GPHN: variants seen among roughly 807,000 people sequenced by gnomAD.
GPHN encodes the protein gephyrin.
GPHN carries 17 observed loss-of-function variants against 95.5 expected under a neutral mutation model. The observed-to-expected ratio is 0.18, with a 90% CI of 0.12 to 0.27. The LOEUF (loss-of-function observed/expected upper bound fraction) is 0.27, where lower values mean the gene tolerates loss of function less well. Ranked by LOEUF, GPHN falls within the 10% of genes least tolerant of loss-of-function variation. GPHN has a pLI of 1.00. For synonymous variants in GPHN, 320 were observed against 322.5 expected, an observed-to-expected ratio of 0.99 and a Z score of 0.08; for missense variants, 660 against 978.1, an observed-to-expected ratio of 0.67 and a Z score of 4.34.
chr14:67,099,589 A>C (rs1181761903), intron 12 of GPHN, among the ~76,000 whole-genome samples: 1 of 151,862 alleles, frequency 6.6e-6, no homozygotes, highest in African/African-American at 2.4e-5. Context: ...ATTAACTGAG[A>C]TAATATCTGT....
chr14:67,104,318 C>CT (rs1397719718), intron 13 of GPHN, among the ~76,000 whole-genome samples: 1 of 152,070 alleles, frequency 6.6e-6, no homozygotes, highest in Non-Finnish European at 1.5e-5. Flanking sequence ...TATAGTTTTC[C>CT]TTTTTTGTGT....
At chr14:67,188,774 T>TTTCCTTCC in the GPHN span, among the ~76,000 whole-genome samples, 3,019 of 151,044 alleles carry the variant, frequency 0.02, 109 homozygotes, top group African/African-American at 0.065. Context: ...CTCAGTTTCT[T>TTTCCTTCC]TTCCTTCCTT....
At chr14:66,593,692 T>C (rs1046029066) in intron 1 of GPHN, among the ~76,000 whole-genome samples, 2 of 151,978 alleles carry the variant, frequency 1.3e-5, no homozygotes, top group African/African-American at 4.8e-5. Context: ...ATAAAGACAA[T>C]ATACCACAAG....
At chr14:66,935,816 ATAAT>A (rs992084548) in intron 8 of GPHN, among the ~76,000 whole-genome samples, 1 of 152,096 alleles carries the variant, frequency 6.6e-6, no homozygotes, top group Non-Finnish European at 1.5e-5. Context: ...AGATATTAAA[ATAAT>A]TATATTAATT....
chr14:66,841,264 A>G lies in GPHN; in HGVS notation c.294+16698A>G, dbSNP rs180826491. Among the ~76,000 whole-genome samples, 308 of 152,242 alleles carry G rather than the reference A, an allele frequency of 2.0e-3. 2 individuals are homozygous for G. Among genetic ancestry groups the G allele is most frequent in the African/African-American group, 7.2e-3 (299 of 41,538 alleles). ...AGGTAGGAAAGAGGGTTATAATTTT[A>G]AATAGGGTCATCCATTAAGGAAGGC... is the stretch of plus-strand genomic sequence containing the variant. On this transcript the variant is annotated intron_variant, in intron 4 of 22. Coordinates refer to ENST00000478722, the MANE Select transcript of GPHN (RefSeq NM_020806.5).
At chr14:67,195,048 G>C in the GPHN span, among the ~76,000 whole-genome samples, 15 of 152,190 alleles carry the variant, frequency 9.9e-5, no homozygotes, top group Non-Finnish European at 2.2e-4. Flanking sequence ...GGTGGGGTGA[G>C]GGGTGTAGTG....
chr14:66,835,091 C>T (rs954860408), intron 4 of GPHN, among the ~76,000 whole-genome samples: 28 of 151,640 alleles, frequency 1.8e-4, no homozygotes, highest in African/African-American at 5.3e-4. Flanking sequence ...TCTGTGGGAT[C>T]GGTAGTGATA....
chr14:67,519,166 A>G, the GPHN span, among the ~76,000 whole-genome samples: 1 of 152,200 alleles, frequency 6.6e-6, no homozygotes, highest in African/African-American at 2.4e-5. Context: ...AATAGGAAGG[A>G]AAGGGGCATA....
the GPHN span, among the ~76,000 whole-genome samples, chr14:67,374,955 C>T: frequency 2.0e-5 from 3 of 152,194 alleles, 1 homozygote; most frequent in South Asian, 6.2e-4. Flanking sequence ...GTAACGGAGA[C>T]AACCAGCTGT....
chr14:66,688,387 G>A (rs992387165), intron 2 of GPHN, among the ~76,000 whole-genome samples: 1 of 152,182 alleles, frequency 6.6e-6, no homozygotes, highest in Non-Finnish European at 1.5e-5. Flanking sequence ...CTGCATGCAT[G>A]TAAGTAGACC....
At chr14:66,990,028 G>T (rs1160225763) in intron 9 of GPHN, among the ~76,000 whole-genome samples, 1 of 152,088 alleles carries the variant, frequency 6.6e-6, no homozygotes, top group Non-Finnish European at 1.5e-5. Context: ...AAGAAAAAAG[G>T]TCCAATTGAC....
intron 3 of GPHN, among the ~76,000 whole-genome samples, chr14:66,800,158 G>A (rs570814332): frequency 1.1e-4 from 17 of 151,834 alleles, no homozygotes; most frequent in East Asian, 7.7e-4. Context: ...CTTAATGTAC[G>A]GACTATGTCT....
At chr14:67,496,954 C>T in the GPHN span, among the ~76,000 whole-genome samples, 1 of 151,996 alleles carries the variant, frequency 6.6e-6, no homozygotes. Flanking sequence ...CCCGCCACCA[C>T]ACCTGGCTAA....
chr14:67,465,570 G>A, the GPHN span, among the ~76,000 whole-genome samples: 3 of 152,166 alleles, frequency 2.0e-5, no homozygotes, highest in Non-Finnish European at 2.9e-5. Context: ...AAATCCTTGC[G>A]TTCCCTCCCA....
At chr14:66,796,571 T>C (rs1462673712) in intron 3 of GPHN, among the ~76,000 whole-genome samples, 1 of 152,136 alleles carries the variant, frequency 6.6e-6, no homozygotes, top group Non-Finnish European at 1.5e-5. Context: ...GATCATATTA[T>C]AGTTTTGATT....
At chr14:67,350,913 A>G in the GPHN span, among the ~76,000 whole-genome samples, 1 of 152,248 alleles carries the variant, frequency 6.6e-6, no homozygotes, top group African/African-American at 2.4e-5. Context: ...GAATAAATGC[A>G]TTGAGAAACA....
chr14:67,650,993 C>T, the GPHN span: 2 of 1,431,974 alleles, frequency 1.4e-6, no homozygotes, highest in East Asian at 2.3e-5. Context: ...TAGATGAATA[C>T]TAAATGGTTG....
At chr14:67,595,091 C>T in the GPHN span, among the ~76,000 whole-genome samples, 2 of 151,972 alleles carry the variant, frequency 1.3e-5, no homozygotes, top group Non-Finnish European at 2.9e-5. Flanking sequence ...GAGCCGAGAT[C>T]GCGCCACTGC....
chr14:66,949,092 G>A (rs904317975), intron 8 of GPHN, among the ~76,000 whole-genome samples: 1 of 151,948 alleles, frequency 6.6e-6, no homozygotes, highest in Non-Finnish European at 1.5e-5. Context: ...TCTTGTTTTT[G>A]TTTTTCTTTC....
Sources: allele counts gnomAD v4.1 joint callset (sites outside exome capture counted in the v4.1 genomes callset), GRCh38; gene constraint gnomAD v4.1.1; transcripts MANE v1.5; gene names NCBI Gene and HGNC (gene_info 2026-07-23, HGNC 2026-07-21).